Variants in AHNAK observed in about 807,000 individuals in gnomAD.
AHNAK encodes the protein neuroblast differentiation-associated protein AHNAK.
A neutral mutation model predicts 37.8 loss-of-function variants in AHNAK; 23 were observed. That is an observed-to-expected ratio of 0.61 (90% CI 0.44 to 0.86). The LOEUF is 0.86. AHNAK is among the 40% of genes least tolerant of loss of function. The pLI, the probability that AHNAK is intolerant of heterozygous loss-of-function variation, is 0.00. For missense variants in AHNAK, 7,411 were observed against 7,319.4 expected, an observed-to-expected ratio of 1.01 and a Z score of -0.46; for synonymous variants, 2,481 against 2,636.3, an observed-to-expected ratio of 0.94 and a Z score of 1.80.
At chr11:62,466,929 G>A (rs1938923781) in intron 5 of AHNAK, among the ~76,000 whole-genome samples, 1 of 152,156 alleles carries the variant, frequency 6.6e-6, no homozygotes, top group Non-Finnish European at 1.5e-5. Flanking sequence ...CAACATACCT[G>A]TTAATTATTT....
At chr11:62,495,860 C>T (rs2513070) in intron 4 of AHNAK, among the ~76,000 whole-genome samples, 1 of 151,838 alleles carries the variant, frequency 6.6e-6, no homozygotes. Context: ...ACCAGCCTGG[C>T]CAACATGATG....
chr11:62,499,506 G>A (rs1286804047), intron 4 of AHNAK, among the ~76,000 whole-genome samples: 3 of 152,026 alleles, frequency 2.0e-5, no homozygotes, highest in Middle Eastern at 3.2e-3. Context: ...AGCCAAGATC[G>A]CACCACAGCA....
At chr11:62,448,079 C>G (rs1252505385) in intron 5 of AHNAK, among the ~76,000 whole-genome samples, 1 of 151,994 alleles carries the variant, frequency 6.6e-6, no homozygotes, top group East Asian at 1.9e-4. Context: ...GCATTCCCAA[C>G]AGTGGCGACG....
At chr11:62,495,173 C>T (rs894958881) in intron 4 of AHNAK, among the ~76,000 whole-genome samples, 1 of 151,176 alleles carries the variant, frequency 6.6e-6, no homozygotes, top group African/African-American at 2.4e-5. Context: ...TCCCCCAACC[C>T]GGGCAAAAAA....
intron 4 of AHNAK, among the ~76,000 whole-genome samples, chr11:62,492,207 G>A (rs1294276203): frequency 6.6e-6 from 1 of 152,214 alleles, no homozygotes; most frequent in Admixed American, 6.5e-5. Context: ...GGAACAATGT[G>A]TAAGAAAGGA....
rs372620743 is a variant in AHNAK, at chr11:62,484,154, A to T, written c.442+7578T>A. Among the ~76,000 whole-genome samples, 43 of 152,190 alleles carry T rather than the reference A, an allele frequency of 2.8e-4. 1 individual carries two copies. The East Asian group carries it at 7.2e-3, about 25-fold the overall frequency. On this transcript the variant is annotated intron_variant, in intron 5 of 5. Transcript: ENST00000257247. Reference sequence around the variant, plus strand: ...TGCTTTGGGAGGCTGAGGCAGGAGGATCACTTGAGACCAAGAGCTCAAGAC... The same window carrying T: ...TGCTTTGGGAGGCTGAGGCAGGAGGTTCACTTGAGACCAAGAGCTCAAGAC...
chr11:62,526,616 G>A lies in AHNAK; in HGVS notation c.7801C>T (p.Leu2601=). Residue 2601 remains leucine, a synonymous_variant, in exon 5 of 5, where the codon CTG becomes TTG. Transcript: ENST00000378024. ...PKVKGDVDVS[L]PKVEGDLKGP... is the part of the protein sequence containing the mutation. Reference sequence around the variant, plus strand: ...TTGAGGTCACCTTCCACTTTGGGCAGAGAAACATCCACATCGCCCTTCACC... The same window carrying A: ...TTGAGGTCACCTTCCACTTTGGGCAAAGAAACATCCACATCGCCCTTCACC... 6.2e-7 allele frequency: 1 copy of A among 1,613,550 alleles called. No homozygotes were observed. Among genetic ancestry groups the A allele is most frequent in the Non-Finnish European group, 8.5e-7 (1 of 1,179,908 alleles).
chr11:62,494,798 G>A (rs1939576354), intron 4 of AHNAK, among the ~76,000 whole-genome samples: 1 of 151,968 alleles, frequency 6.6e-6, no homozygotes, highest in East Asian at 1.9e-4. Flanking sequence ...ATCACCTGAA[G>A]TCAGGAGTTC....
intron 5 of AHNAK, among the ~76,000 whole-genome samples, chr11:62,439,667 T>G (rs1487115454): frequency 5.8e-5 from 7 of 121,278 alleles, no homozygotes; most frequent in Admixed American, 2.3e-4. Context: ...TTTGTGTGAT[T>G]TTTTTTTTTT....
At chr11:62,513,186 G>A (rs975440630), downstream of AHNAK, among the ~76,000 whole-genome samples, 14 of 152,132 alleles carry the variant, frequency 9.2e-5, no homozygotes, top group African/African-American at 2.4e-4. Context: ...TCTCACCCTC[G>A]AGTGCAGGAA....
chr11:62,530,312 G>C lies in AHNAK; in HGVS notation c.4105C>G (p.Pro1369Ala). Residue 1369 changes from proline (P) to alanine (A), a missense_variant, in exon 5 of 5, where the codon CCA (proline) becomes GCA (alanine). Coordinates refer to ENST00000378024, the MANE Select transcript of AHNAK (RefSeq NM_001620.3). ...TCTGGGCCATGAACATCCACATCTG[G>C]AGCACTAATGTCAACTTTGGGCCCT... is the stretch of plus-strand genomic sequence containing the variant. ...IKGPKVDISA[P>A]DVDVHGPDWH... The C allele has an allele frequency of 6.2e-7, 1 of 1,613,244 alleles. No individual in the cohort carries two copies.
At position 62,528,379 on chromosome 11, in the gene AHNAK, T is replaced by C. The variant is rs546042919; in HGVS notation, c.6038A>G (p.Lys2013Arg). Residue 2013 changes from lysine (K) to arginine (R), a missense_variant, in exon 5 of 5, where the codon AAG becomes AGG. Transcript: ENST00000378024. ...VKGDMDVSVP[K>R]VEGEMKVPDV... ...TGGCACTTTCATTTCACCTTCTACC[T>C]TGGGCACAGACACATCCATATCCCC... is the stretch of plus-strand genomic sequence containing the variant. 6.2e-7 allele frequency: 1 copy of C among 1,613,180 alleles called. No individual in the cohort carries two copies. Among genetic ancestry groups the C allele is most frequent in the Admixed American group, 1.7e-5 (1 of 59,840 alleles).
At chr11:62,545,027 C>T (rs1264802362) in intron 1 of AHNAK, among the ~76,000 whole-genome samples, 1 of 152,236 alleles carries the variant, frequency 6.6e-6, no homozygotes, top group East Asian at 1.9e-4. Flanking sequence ...GCGCCCAGCG[C>T]TGTGCTGGAG....
chr11:62,517,287 G>C lies in AHNAK; in HGVS notation c.17130C>G (p.Ser5710=). 1 of 1,614,056 alleles carries C rather than the reference G, an allele frequency of 6.2e-7. No individual in the cohort carries two copies. The highest frequency in any genetic ancestry group is 1.3e-5 in the African/African-American group (1 of 75,012). Residue 5710 remains serine (S), a synonymous_variant, in exon 5 of 5, where the codon TCC becomes TCG. Coordinates refer to ENST00000378024, the MANE Select transcript of AHNAK (RefSeq NM_001620.3). The part of the protein sequence containing the change: ...WEESEVKLKK[S]KIKMPKFNFS... ...AATTAAACTTGGGCATTTTGATCTT[G>C]GACTTTTTCAGTTTGACTTCAGACT...
In AHNAK at chr11:62,527,638, C is replaced by A. The variant is rs369891981; in HGVS notation, c.6779G>T (p.Gly2260Val). 55 of 1,613,880 alleles carry A rather than the reference C, an allele frequency of 3.4e-5. No individual in the cohort carries two copies. Among genetic ancestry groups the A allele is most frequent in the African/African-American group, 5.3e-5 (4 of 74,846 alleles). Residue 2260 changes from glycine (G) to valine (V), a missense_variant, in exon 5 of 5, where the codon GGC becomes GTC. Transcript: ENST00000378024. Reference sequence around the variant, plus strand: ...GGGCAAGTTCACATCCACTTCTGGGCCCTCTCCTTTGAAGCCAGGCATGCT... The same window carrying A: ...GGGCAAGTTCACATCCACTTCTGGGACCTCTCCTTTGAAGCCAGGCATGCT... ...KFSMPGFKGE[G>V]PEVDVNLPKA...
rs760146494 is a variant in AHNAK at position 62,530,008 on chromosome 11, T to A, written c.4409A>T (p.Asp1470Val). 1.9e-6 allele frequency: 3 copies of A among 1,614,112 alleles called. No homozygotes were observed. The South Asian group carries it at 3.3e-5, about 18-fold the overall frequency. The change falls in exon 5 of 5, where the codon GAT becomes GTT. Residue 1470 changes from aspartate to valine, a missense_variant. Asp to Val is a radical substitution (Grantham distance 152). Coordinates refer to ENST00000378024, the MANE Select transcript of AHNAK (RefSeq NM_001620.3). ...LKGPKMKGDY[D>V]VTVPKVEGEI... is the part of the protein sequence containing the mutation. ...TCCTTCTACTTTTGGAACTGTTACA[T>A]CATAATCTCCTTTCATTTTAGGACC...
chr11:62,470,773 A>G (rs2507807), intron 5 of AHNAK, among the ~76,000 whole-genome samples: 147,242 of 151,814 alleles, frequency 0.97, 71,621 homozygotes, highest in African/African-American at 0.99. Flanking sequence ...ATCATCTCCC[A>G]CCAACCTCCA....
chr11:62,488,104 C>T (rs1939427759), intron 5 of AHNAK, among the ~76,000 whole-genome samples: 1 of 152,214 alleles, frequency 6.6e-6, no homozygotes. Context: ...TGACTGGCTG[C>T]TTTAATTCTG....
intron 1 of AHNAK, among the ~76,000 whole-genome samples, chr11:62,537,670 C>A (rs183148069): frequency 6.6e-6 from 1 of 151,752 alleles, no homozygotes; most frequent in African/African-American, 2.4e-5. Flanking sequence ...TGGGCTTGGA[C>A]CCGAGTCTGT....
Sources: allele counts gnomAD v4.1 joint callset (sites outside exome capture counted in the v4.1 genomes callset), GRCh38; gene constraint gnomAD v4.1.1; transcripts MANE v1.5; gene names NCBI Gene and HGNC (gene_info 2026-07-23, HGNC 2026-07-21).